ZNF880: variants seen among roughly 807,000 people sequenced by gnomAD.
ZNF880 encodes the protein zinc finger protein 880.
Under a neutral mutation model 11.8 loss-of-function variants are expected in ZNF880, and 12 were observed. The ratio of observed to expected loss-of-function variants is 1.02; its 90% CI spans 0.65 to 1.65. The LOEUF (loss-of-function observed/expected upper bound fraction) is 1.65, where lower values mean the gene tolerates loss of function less well. Among genes scored for constraint, ZNF880 ranks in the 40% most tolerant of loss-of-function variants. The probability of loss-of-function intolerance (pLI) is 0.00; values close to 1 mark genes in which losing one functional copy is unlikely to be tolerated. For missense variants in ZNF880, 601 were observed against 673.9 expected (o/e 0.89, Z 1.20); for synonymous variants, 210 against 232.4 (o/e 0.90, Z 0.88).
chr19:52,376,507 C>CTT (rs1568661830), intron 3 of ZNF880, among the ~76,000 whole-genome samples: 7 of 56,532 alleles, frequency 1.2e-4, no homozygotes, highest in East Asian at 4.0e-4. Flanking sequence ...CCCCCCCCCC[C>CTT]CCTTTTTTTT....
At chr19:52,367,743 T>G (rs566455867), upstream of ZNF880, 56 of 152,272 alleles carry the variant, frequency 3.7e-4, no homozygotes, top group African/African-American at 1.3e-3. Flanking sequence ...TTGTACACCC[T>G]CAAATGTGTG....
the ZNF880 span, among the ~76,000 whole-genome samples, chr19:52,393,897 C>T: frequency 8.5e-4 from 109 of 127,776 alleles, 1 homozygote; most frequent in East Asian, 0.011. Context: ...AGTGCAGTGG[C>T]GCGATCTCAG....
chr19:52,386,384 G>C (rs373373884), downstream of ZNF880, among the ~76,000 whole-genome samples: 11 of 143,304 alleles, frequency 7.7e-5, 3 homozygotes, highest in East Asian at 2.2e-3. Context: ...CTGACAGAAT[G>C]GCACAGTGCT....
At chr19:52,374,254 C>T (rs112064222) in intron 2 of ZNF880, 45 bp from the exon 3 acceptor site, 55,189 of 1,523,080 alleles carry the variant, frequency 0.036, 1,128 homozygotes, top group Middle Eastern at 0.044. Flanking sequence ...GGGGTTTCAC[C>T]GTGTTAGCCA....
chr19:52,397,114 A>C, the ZNF880 span: 2 of 150,736 alleles, frequency 1.3e-5, no homozygotes, highest in Non-Finnish European at 2.9e-5. Context: ...ACAACAACAA[A>C]AAACTACGTC....
At chr19:52,376,502 C>G (rs867704832) in intron 3 of ZNF880, among the ~76,000 whole-genome samples, 2 of 29,674 alleles carry the variant, frequency 6.7e-5, no homozygotes, top group Non-Finnish European at 1.5e-4. Flanking sequence ...CACCGCCCCC[C>G]CCCCCCCTTT....
downstream of ZNF880, among the ~76,000 whole-genome samples, chr19:52,387,697 C>T (rs1986923022): frequency 7.0e-6 from 1 of 143,128 alleles, no homozygotes; most frequent in Non-Finnish European, 1.5e-5. Context: ...AATCTGCCTG[C>T]CTCGGCCTCC....
Position 52,385,271 on chromosome 19 carries a change from C to A in ZNF880, c.1691C>A (p.Ala564Glu), listed in dbSNP as rs1986850893. The A allele has an allele frequency of 1.3e-6, 2 of 1,551,936 alleles. No individual in the cohort carries two copies. The highest frequency in any genetic ancestry group is 2.4e-5 in the East Asian group (1 of 40,930). The part of the protein sequence containing the change: ...GKDFTRNSNL[A>E]NHHRIHTGEK... ...GACTTCACTCGAAATTCAAACCTGG[C>A]AAATCATCACAGAATCCATACTGGA... Residue 564 changes from alanine to glutamate, a missense_variant, in exon 4 of 4, where the codon GCA becomes GAA. Transcript: ENST00000422689.
At chr19:52,370,211 G>T (rs1450709444) in intron 1 of ZNF880, 1 of 570,682 alleles carries the variant, frequency 1.8e-6, no homozygotes, top group Non-Finnish European at 3.1e-6. Context: ...AGCTCCTGTC[G>T]CGGAGTTTGC....
At chr19:52,372,114 G>A (rs1180665257) in intron 1 of ZNF880, among the ~76,000 whole-genome samples, 2 of 151,558 alleles carry the variant, frequency 1.3e-5, no homozygotes, top group African/African-American at 4.8e-5. Flanking sequence ...ACTTGAACCT[G>A]GGAGGCGGAT....
chr19:52,386,428 A>G (rs546978926), downstream of ZNF880, among the ~76,000 whole-genome samples: 11 of 143,554 alleles, frequency 7.7e-5, 3 homozygotes, highest in African/African-American at 2.7e-4. Context: ...GAAATAGAGC[A>G]TATCTGTAGA....
At chr19:52,378,662 A>AAAG (rs1986623915) in intron 3 of ZNF880, among the ~76,000 whole-genome samples, 2 of 151,968 alleles carry the variant, frequency 1.3e-5, no homozygotes, top group Admixed American at 6.6e-5. Context: ...AAAAAAAAAA[A>AAAG]AAAAGAAAGA....
At chr19:52,393,825 T>TAACC in the ZNF880 span, among the ~76,000 whole-genome samples, 1 of 141,604 alleles carries the variant, frequency 7.1e-6, no homozygotes, top group African/African-American at 2.7e-5. Context: ...TGTATTTCTT[T>TAACC]GCCCCCCCCC....
intron 3 of ZNF880, 123 bp downstream of exon 3, chr19:52,374,550 T>C: frequency 8.3e-7 from 1 of 1,207,352 alleles, no homozygotes; most frequent in Non-Finnish European, 1.2e-6. Flanking sequence ...GCTTAACTCA[T>C]AGCCTCAAAC....
At chr19:52,367,934 C>T (rs979222407), upstream of ZNF880, among the ~76,000 whole-genome samples, 5 of 151,882 alleles carry the variant, frequency 3.3e-5, no homozygotes, top group Non-Finnish European at 7.4e-5. Flanking sequence ...GGCCTGGTGG[C>T]TCACGCCTGT....
rs374062914 is a variant in ZNF880, at chr19:52,373,122, A to G, written c.24A>G (p.Ala8=). The change falls in exon 2 of 4, where the codon GCA becomes GCG. Residue 8 remains alanine (A), a synonymous_variant. Transcript: ENST00000422689. MLRRGHL[A]FRDVAIEFPQ... is the part of the protein sequence containing the mutation. ...GTTTTTCATTTTAGGGACACTTGGC[A>G]TTCAGGGACGTGGCCATAGAATTCC... The G allele has an allele frequency of 2.9e-5, 46 of 1,612,980 alleles. No homozygotes were observed. The highest frequency in any genetic ancestry group is 3.8e-5 in the Non-Finnish European group (45 of 1,179,430).
At chr19:52,395,968 T>A in the ZNF880 span, among the ~76,000 whole-genome samples, 1 of 152,174 alleles carries the variant, frequency 6.6e-6, no homozygotes, top group East Asian at 1.9e-4. Flanking sequence ...TATTTTTATA[T>A]TTTTTGAGAC....
chr19:52,395,424 C>A, the ZNF880 span: 1 of 152,082 alleles, frequency 6.6e-6, no homozygotes, highest in African/African-American at 2.4e-5. Context: ...CCATACTGAC[C>A]GCAGTATTTC....
upstream of ZNF880, chr19:52,367,122 T>TA (rs397796837): frequency 1.3e-4 from 27 of 207,922 alleles, no homozygotes; most frequent in Middle Eastern, 1.8e-3. Flanking sequence ...AGTTTTTTTT[T>TA]AGTTTTTTCT....
Sources: gnomAD v4.1 joint callset for allele counts (sites outside exome capture counted in the v4.1 genomes callset) on GRCh38, gnomAD v4.1.1 for gene constraint, MANE v1.5 for transcripts, NCBI Gene and HGNC (gene_info 2026-07-23, HGNC 2026-07-21) for gene names.